Variants in DPP6 observed in about 807,000 individuals in gnomAD.
DPP6 encodes dipeptidyl peptidase like 6, also known as A-type potassium channel modulatory protein DPP6.
In DPP6, 69 loss-of-function variants were observed where a neutral mutation model predicts 122.6. The observed-to-expected ratio is 0.56, with a 90% CI of 0.46 to 0.69. The LOEUF is 0.69. DPP6 is among the 30% of genes least tolerant of loss of function. DPP6 has a pLI of 0.00. For synonymous variants in DPP6, 418 were observed against 433.1 expected (o/e 0.97, Z 0.43); for missense variants, 928 against 1,116.9 (o/e 0.83, Z 2.41).
intron 1 of DPP6, among the ~76,000 whole-genome samples, chr7:153,980,822 A>T (rs1796545025): frequency 6.6e-6 from 1 of 152,188 alleles, no homozygotes; most frequent in African/African-American, 2.4e-5. Context: ...GTCATTCAGG[A>T]GCAGGTTGTT....
intron 7 of DPP6, among the ~76,000 whole-genome samples, chr7:154,720,933 GA>G (rs1273289105): frequency 2.0e-5 from 3 of 152,242 alleles, no homozygotes; most frequent in Admixed American, 1.3e-4. Flanking sequence ...GCCTCGAGAA[GA>G]GGGCAGAATG....
At chr7:154,372,468 G>A (rs1812758822) in intron 1 of DPP6, among the ~76,000 whole-genome samples, 1 of 152,140 alleles carries the variant, frequency 6.6e-6, no homozygotes, top group Non-Finnish European at 1.5e-5. Context: ...GGCCGTGCGT[G>A]GGCAGTCACT....
chr7:154,469,866 T>A (rs913025566), intron 2 of DPP6, among the ~76,000 whole-genome samples: 1 of 152,328 alleles, frequency 6.6e-6, no homozygotes, highest in South Asian at 2.1e-4. Context: ...CTCATTGAGC[T>A]TTTTCCTTGT....
intron 7 of DPP6, among the ~76,000 whole-genome samples, chr7:154,697,809 G>T (rs1476795668): frequency 1.3e-5 from 2 of 152,112 alleles, no homozygotes; most frequent in Non-Finnish European, 2.9e-5. Context: ...TTCAGCCATG[G>T]CGTGCGCGGC....
intron 1 of DPP6, among the ~76,000 whole-genome samples, chr7:154,313,725 GCACGCA>G (rs1479672341): frequency 2.6e-5 from 1 of 38,446 alleles, no homozygotes; most frequent in Admixed American, 3.0e-4. Context: ...ACACACACAC[GCACGCA>G]CACACACACA....
At chr7:154,658,014 T>A (rs4495380) in intron 6 of DPP6, among the ~76,000 whole-genome samples, 1 of 151,942 alleles carries the variant, frequency 6.6e-6, no homozygotes, top group African/African-American at 2.4e-5. Context: ...AGATCTGTGC[T>A]TGCCAGGGTT....
At chr7:154,090,888 A>G (rs548069848) in intron 1 of DPP6, among the ~76,000 whole-genome samples, 1 of 149,176 alleles carries the variant, frequency 6.7e-6, no homozygotes. Context: ...TGGGAGGCCG[A>G]GGCGGGCGGA....
intron 1 of DPP6, among the ~76,000 whole-genome samples, chr7:154,153,808 A>G (rs2150691582): frequency 6.6e-6 from 1 of 152,332 alleles, no homozygotes; most frequent in Non-Finnish European, 1.5e-5. Flanking sequence ...ATAAAACTTT[A>G]TTTACAAAAC....
chr7:154,651,532 C>T (rs371036039), intron 6 of DPP6, among the ~76,000 whole-genome samples: 7 of 152,194 alleles, frequency 4.6e-5, no homozygotes, highest in East Asian at 3.9e-4. Context: ...AGCACCATGC[C>T]GGAGCTAGGG....
chr7:154,347,444 T>A lies in DPP6; in HGVS notation c.244-98770T>A, dbSNP rs186543367. Among the ~76,000 whole-genome samples the A allele has an allele frequency of 1.4e-4, 22 of 152,340 alleles. No individual in the cohort carries two copies. In the East Asian group the frequency reaches 4.2e-3, roughly 29 times the overall value. On this transcript the variant is annotated intron_variant, in intron 1 of 25. Transcript: ENST00000377770. The stretch of plus-strand genomic sequence containing the variant: ...AAAATTTAGCAACTAAATCTGGCCA[T>A]TAAAGCATAATCTTTATTTGACCAA...
intron 1 of DPP6, among the ~76,000 whole-genome samples, chr7:154,183,765 G>A (rs950155340): frequency 3.3e-5 from 5 of 152,204 alleles, no homozygotes; most frequent in African/African-American, 9.6e-5. Flanking sequence ...GTCAGTGCCT[G>A]CCTGGCTCAC....
the DPP6 span, among the ~76,000 whole-genome samples, chr7:153,844,176 C>T: frequency 6.6e-6 from 1 of 152,204 alleles, no homozygotes; most frequent in African/African-American, 2.4e-5. Flanking sequence ...CTGGCATTGT[C>T]TTTACACAAT....
Position 154,874,938 on chromosome 7 carries a change from AT to A in DPP6, c.1884-963del, listed in dbSNP as rs1415145910. 2.0e-5 allele frequency among the ~76,000 whole-genome samples: 3 copies of A among 152,016 alleles called. No homozygotes were observed. The East Asian group carries it at 5.8e-4, about 29-fold the overall frequency. ...AGACCCCATCTCTACAGATTAACAG[AT>A]TTTTCTTTTAATTAGCCAGGCATGG... is the stretch of plus-strand genomic sequence containing the variant. On this transcript the variant is annotated intron_variant, in intron 19 of 25. Transcript: ENST00000377770.
intron 1 of DPP6, among the ~76,000 whole-genome samples, chr7:154,300,879 G>T (rs1212475236): frequency 6.6e-6 from 1 of 152,198 alleles, no homozygotes; most frequent in Non-Finnish European, 1.5e-5. Flanking sequence ...AGAATGTGAT[G>T]ATATTTGGAG....
At chr7:154,252,526 A>G (rs1802417893) in intron 1 of DPP6, among the ~76,000 whole-genome samples, 1 of 152,206 alleles carries the variant, frequency 6.6e-6, no homozygotes, top group South Asian at 2.1e-4. Context: ...GACTGATCCC[A>G]CCACCAACCC....
intron 16 of DPP6, among the ~76,000 whole-genome samples, chr7:154,819,025 T>G (rs1799596258): frequency 6.6e-6 from 1 of 152,210 alleles, no homozygotes; most frequent in Non-Finnish European, 1.5e-5. Context: ...ACCTTTCCCA[T>G]TCCTGGGCAG....
the DPP6 span, among the ~76,000 whole-genome samples, chr7:153,810,658 C>G: frequency 1.5e-5 from 1 of 67,058 alleles, no homozygotes; most frequent in African/African-American, 4.7e-5. Context: ...ATCGCTCCCT[C>G]TCCTCTCTCT....
chr7:154,723,922 G>A (rs960759190), intron 7 of DPP6, among the ~76,000 whole-genome samples: 1 of 152,172 alleles, frequency 6.6e-6, no homozygotes, highest in Non-Finnish European at 1.5e-5. Context: ...AAGGATGTGG[G>A]CAGAGAGTTT....
At chr7:154,564,748 A>T (rs1586639522) in intron 4 of DPP6, among the ~76,000 whole-genome samples, 1 of 152,326 alleles carries the variant, frequency 6.6e-6, no homozygotes, top group East Asian at 1.9e-4. Flanking sequence ...GATAAAGTGT[A>T]CCTGTGAGCC....
Sources: allele counts gnomAD v4.1 joint callset (sites outside exome capture counted in the v4.1 genomes callset), GRCh38; gene constraint gnomAD v4.1.1; transcripts MANE v1.5; gene names NCBI Gene and HGNC (gene_info 2026-07-23, HGNC 2026-07-21).